The following NFX1 variants were observed in gnomAD, a reference collection of about 807,000 sequenced individuals.
NFX1 encodes the protein transcriptional repressor NF-X1.
Under a neutral mutation model 137.2 loss-of-function variants are expected in NFX1, and 69 were observed. That is an observed-to-expected ratio of 0.50 (90% confidence interval 0.41 to 0.61). NFX1 has a LOEUF of 0.61. NFX1 is among the 20% of genes least tolerant of loss of function. The pLI is 0.00. For missense variants in NFX1, 1,167 were observed against 1,391.0 expected, an observed-to-expected ratio of 0.84 and a Z score of 2.56; for synonymous variants, 495 against 474.1, an observed-to-expected ratio of 1.04 and a Z score of -0.57.
chr9:33,291,531 G>A (rs1821160955), intron 1 of NFX1, among the ~76,000 whole-genome samples: 2 of 152,204 alleles, frequency 1.3e-5, no homozygotes, highest in African/African-American at 2.4e-5. Flanking sequence ...CTGACCAGCC[G>A]TTGGGGCACC....
At chr9:33,313,060 T>C (rs1377528865) in intron 6 of NFX1, among the ~76,000 whole-genome samples, 2 of 152,220 alleles carry the variant, frequency 1.3e-5, no homozygotes, top group Admixed American at 1.3e-4. Flanking sequence ...TCTGGGTACA[T>C]GATAGCTGTC....
chr9:33,336,449 C>T lies in NFX1; in HGVS notation c.2036-2061C>T, dbSNP rs568294292. Among the ~76,000 whole-genome samples the T allele has an allele frequency of 1.4e-3, 218 of 152,016 alleles. 2 individuals are homozygous for T. Among genetic ancestry groups the T allele is most frequent in the Non-Finnish European group, 1.5e-4 (10 of 67,950 alleles). ...CAGGCTGGTCTCGAACTCCTGACCTCGTGATCCGCCTGCCTCAGCCTCTCA... is the reference window on the plus strand; with the variant it reads ...CAGGCTGGTCTCGAACTCCTGACCTTGTGATCCGCCTGCCTCAGCCTCTCA... On this transcript the variant is annotated intron_variant, in intron 11 of 23. Coordinates refer to ENST00000379540, the MANE Select transcript of NFX1 (RefSeq NM_002504.6).
At chr9:33,328,987 T>C (rs1822700698) in intron 10 of NFX1, among the ~76,000 whole-genome samples, 1 of 152,200 alleles carries the variant, frequency 6.6e-6, no homozygotes, top group Non-Finnish European at 1.5e-5. Context: ...GAAAGTTCAG[T>C]GGTCCCTAAG....
chr9:33,332,834 A>G (rs1162062654), intron 11 of NFX1, among the ~76,000 whole-genome samples: 2 of 152,126 alleles, frequency 1.3e-5, no homozygotes, highest in South Asian at 2.1e-4. Flanking sequence ...TCACTGTAAA[A>G]TACTTTGAAC....
chr9:33,355,266 G>A (rs543486527), intron 19 of NFX1, among the ~76,000 whole-genome samples: 13 of 152,112 alleles, frequency 8.5e-5, no homozygotes, highest in Non-Finnish European at 1.0e-4. Flanking sequence ...TCAGTGAATC[G>A]TCACTAAATG....
At chr9:33,320,698 C>G (rs1047535171) in intron 9 of NFX1, among the ~76,000 whole-genome samples, 1 of 152,148 alleles carries the variant, frequency 6.6e-6, no homozygotes, top group Non-Finnish European at 1.5e-5. Context: ...CAACTTCTCT[C>G]CTGAGTGGGT....
chr9:33,358,508 C>CA (rs369579784), intron 19 of NFX1, among the ~76,000 whole-genome samples: 37 of 148,996 alleles, frequency 2.5e-4, no homozygotes, highest in Middle Eastern at 3.5e-3. Flanking sequence ...TTGACATCCT[C>CA]AAAAAAAAAT....
intron 2 of NFX1, among the ~76,000 whole-genome samples, chr9:33,297,693 G>C (rs544917920): frequency 5.6e-4 from 85 of 152,224 alleles, no homozygotes; most frequent in Non-Finnish European, 9.1e-4. Context: ...GTTGGCCAGG[G>C]GTGTCTCTCT....
chr9:33,367,649 A>T, intron 23 of NFX1, 30 bp downstream of exon 23: 4 of 1,606,262 alleles, frequency 2.5e-6, no homozygotes, highest in Non-Finnish European at 3.4e-6. Context: ...TTCCAAGGGG[A>T]CCTGTCTGTC....
chr9:33,361,266 C>T (rs1392180191), intron 19 of NFX1, among the ~76,000 whole-genome samples: 1 of 151,724 alleles, frequency 6.6e-6, no homozygotes, highest in Non-Finnish European at 1.5e-5. Context: ...GAAATGCTAA[C>T]AAGATAATGC....
In NFX1 at chr9:33,309,173, C is replaced by T. The variant is rs187877639; in HGVS notation, c.1376+1874C>T. ...GAGATCGAGACCATCCTGGCTAAGACGGTGCAACCCTGTCTCTACTAAAAA... is the reference window on the plus strand; with the variant it reads ...GAGATCGAGACCATCCTGGCTAAGATGGTGCAACCCTGTCTCTACTAAAAA... On this transcript the variant is annotated intron_variant, in intron 5 of 23. Coordinates refer to ENST00000379540, the MANE Select transcript of NFX1 (RefSeq NM_002504.6). Among the ~76,000 whole-genome samples, 595 of 152,102 alleles carry T rather than the reference C, an allele frequency of 3.9e-3. 7 individuals carry two copies. Among genetic ancestry groups the T allele is most frequent in the Non-Finnish European group, 7.5e-3 (509 of 67,982 alleles).
intron 16 of NFX1, 106 bp from the exon 17 acceptor site, chr9:33,352,540 A>T (rs1347379096): frequency 2.1e-6 from 2 of 945,246 alleles, no homozygotes; most frequent in African/African-American, 1.6e-5. Context: ...CCACCCACTG[A>T]CTCTCTAGTC....
chr9:33,332,927 C>T (rs796256658), intron 11 of NFX1, among the ~76,000 whole-genome samples: 32 of 152,316 alleles, frequency 2.1e-4, no homozygotes, highest in African/African-American at 7.5e-4. Context: ...CTCACTGCAA[C>T]CTCCACCTCC....
rs930391965 is a variant in NFX1 at position 33,354,171 on chromosome 9, G to A, written c.2815G>A (p.Glu939Lys). Residue 939 changes from glutamate to lysine, a missense_variant, in exon 18 of 24, where the codon GAA becomes AAA. By Grantham distance (56) the Glu-to-Lys change is moderately conservative (BLOSUM62 1). This residue lies in a region of NFX1 where 312 missense variants were observed against 312.8 expected (regional missense o/e 1.00). Coordinates refer to ENST00000379540, the MANE Select transcript of NFX1 (RefSeq NM_002504.6). ...GATCAGCAAGTTAATTACCAAAAAG[G>A]AAGTTCATCAAGCCAGGTAATTTTT... ...VEISKLITKKEVHQARLECDE... is the reference protein window; with the variant it reads ...VEISKLITKKKVHQARLECDE... 4 of 1,612,874 alleles carry A rather than the reference G, an allele frequency of 2.5e-6. No homozygotes were observed. Among genetic ancestry groups the A allele is most frequent in the Non-Finnish European group, 3.4e-6 (4 of 1,179,662 alleles).
At chr9:33,329,818 C>G (rs1187382368) in intron 10 of NFX1, among the ~76,000 whole-genome samples, 4 of 151,916 alleles carry the variant, frequency 2.6e-5, no homozygotes, top group Non-Finnish European at 4.4e-5. Flanking sequence ...GCCATCACAC[C>G]CGGCTAATTT....
At chr9:33,313,341 C>T (rs1822032925) in intron 6 of NFX1, among the ~76,000 whole-genome samples, 2 of 151,820 alleles carry the variant, frequency 1.3e-5, no homozygotes, top group Non-Finnish European at 2.9e-5. Flanking sequence ...GTAATCCCAA[C>T]ACTTTGGGAG....
At chr9:33,293,337 C>T (rs1341693919) in intron 1 of NFX1, among the ~76,000 whole-genome samples, 1 of 152,184 alleles carries the variant, frequency 6.6e-6, no homozygotes, top group Admixed American at 6.5e-5. Flanking sequence ...ACCTGAAACC[C>T]TCAGGCTCTA....
intron 19 of NFX1, among the ~76,000 whole-genome samples, chr9:33,363,445 G>A (rs1181265084): frequency 6.6e-6 from 1 of 151,502 alleles, no homozygotes; most frequent in Non-Finnish European, 1.5e-5. Context: ...TACCACACCC[G>A]GCTAATTTTT....
intron 6 of NFX1, 80 bp downstream of exon 6, chr9:33,311,257 T>A: frequency 7.7e-7 from 1 of 1,291,912 alleles, no homozygotes; most frequent in Non-Finnish European, 1.1e-6. Flanking sequence ...AATAAAAGAA[T>A]AGTAGGTAGA....
Sources: gnomAD v4.1 joint callset for allele counts (sites outside exome capture counted in the v4.1 genomes callset) on GRCh38, gnomAD v4.1.1 for gene constraint, gnomAD v4.1.1 regional missense constraint, MANE v1.5 for transcripts, NCBI Gene and HGNC (gene_info 2026-07-23, HGNC 2026-07-21) for gene names.